Variants in SPECC1 observed in about 807,000 individuals in gnomAD.
SPECC1 encodes cytospin-B.
Under a neutral mutation model 104.1 loss-of-function variants are expected in SPECC1, and 62 were observed. The observed-to-expected ratio is 0.60, with a 90% CI of 0.49 to 0.74. SPECC1 has a LOEUF of 0.74. Ranked by LOEUF, SPECC1 falls within the 30% of genes least tolerant of loss-of-function variation. SPECC1 has a pLI of 0.00. For missense variants in SPECC1, 1,306 were observed against 1,310.5 expected, an observed-to-expected ratio of 1.00 and a Z score of 0.05; for synonymous variants, 513 against 501.6, an observed-to-expected ratio of 1.02 and a Z score of -0.30.
intron 1 of SPECC1, among the ~76,000 whole-genome samples, chr17:20,050,330 C>T (rs1437139769): frequency 1.3e-5 from 2 of 152,068 alleles, no homozygotes; most frequent in African/African-American, 4.8e-5. Flanking sequence ...GTCTGAACAC[C>T]ATTTGTTGGT....
At position 20,205,204 on chromosome 17, in the gene SPECC1, T is replaced by G. The variant is rs1386278904; in HGVS notation, c.1155T>G (p.His385Gln). ...EKIQKMEENH[H>Q]STAEELQATL... ...TACAAAAGATGGAAGAAAACCACCA[T>G]AGCACTGCAGAAGAACTACAGGCTA... The change falls in exon 4 of 15, where the codon CAT becomes CAG. Residue 385 changes from histidine (H) to glutamine (Q), a missense_variant. His to Gln is a conservative substitution (Grantham distance 24). Coordinates refer to ENST00000395527, the MANE Select transcript of SPECC1 (RefSeq NM_001243439.2). 1 of 1,614,056 alleles carries G rather than the reference T, an allele frequency of 6.2e-7. No individual in the cohort carries two copies. Among genetic ancestry groups the G allele is most frequent in the Admixed American group, 1.7e-5 (1 of 60,022 alleles).
chr17:20,205,396 G>C lies in SPECC1; in HGVS notation c.1347G>C (p.Glu449Asp). The change falls in exon 4 of 15, where the codon GAG becomes GAC. Residue 449 changes from glutamate to aspartate, a missense_variant. Coordinates refer to ENST00000395527, the MANE Select transcript of SPECC1 (RefSeq NM_001243439.2). The part of the protein sequence containing the change: ...ENEKLMNLLQ[E>D]RVKNEEPTTQ... ...AGAAGCTGATGAATCTTTTACAAGAGCGAGTAAAGAATGAAGAGCCCACCA... is the reference window on the plus strand; with the variant it reads ...AGAAGCTGATGAATCTTTTACAAGACCGAGTAAAGAATGAAGAGCCCACCA... The C allele has an allele frequency of 1.2e-6, 2 of 1,613,866 alleles. No homozygotes were observed. Among genetic ancestry groups the C allele is most frequent in the Non-Finnish European group, 8.5e-7 (1 of 1,179,980 alleles).
At chr17:20,112,551 GT>G in intron 3 of SPECC1, 1 of 787,984 alleles carries the variant, frequency 1.3e-6, no homozygotes, top group Non-Finnish European at 2.3e-6. Context: ...AAAATGGCCA[GT>G]TTAAGCCGCT....
chr17:20,277,249 C>T (rs1321232588), intron 12 of SPECC1, among the ~76,000 whole-genome samples: 2 of 152,112 alleles, frequency 1.3e-5, no homozygotes, highest in African/African-American at 2.4e-5. Flanking sequence ...TAGCAGGGTG[C>T]CCCTGGACAG....
At chr17:20,310,198 A>G (rs1464231162) in intron 14 of SPECC1, among the ~76,000 whole-genome samples, 1 of 152,200 alleles carries the variant, frequency 6.6e-6, no homozygotes, top group African/African-American at 2.4e-5. Flanking sequence ...TGTGATGAAC[A>G]TAAGTGTGCA....
intron 9 of SPECC1, among the ~76,000 whole-genome samples, chr17:20,248,401 T>A (rs1328329346): frequency 1.3e-5 from 2 of 152,172 alleles, no homozygotes; most frequent in Non-Finnish European, 2.9e-5. Flanking sequence ...GAGCCCGTCT[T>A]GAGATCTTCT....
chr17:20,111,854 A>G (rs929193040), intron 3 of SPECC1: 7 of 835,562 alleles, frequency 8.4e-6, no homozygotes, highest in Non-Finnish European at 1.5e-5. Flanking sequence ...CCTGAACGGC[A>G]GCCCCAAGAA....
intron 1 of SPECC1, among the ~76,000 whole-genome samples, chr17:20,018,323 A>C (rs2044230279): frequency 6.6e-6 from 1 of 152,140 alleles, no homozygotes; most frequent in Non-Finnish European, 1.5e-5. Flanking sequence ...GTTTCTTTTG[A>C]TTTAGTGTTT....
chr17:20,207,057 G>T (rs1447026508), intron 4 of SPECC1, among the ~76,000 whole-genome samples: 4 of 152,178 alleles, frequency 2.6e-5, no homozygotes, highest in Non-Finnish European at 5.9e-5. Flanking sequence ...CTGGAGAGGT[G>T]CAGAGAGATG....
rs2038604912 is a variant in SPECC1, at chr17:20,231,898, C to T, written c.2145+67C>T. On this transcript the variant is annotated intron_variant, in intron 6 of 14. Coordinates refer to ENST00000395527, the MANE Select transcript of SPECC1 (RefSeq NM_001243439.2). ...ATTACCCGCTCCGAGGTGTGGATCA[C>T]TCTCTCTATCCTGCTTTCTCTTGGA... 4 of 1,485,680 alleles carry T rather than the reference C, an allele frequency of 2.7e-6. No homozygotes were observed. In the Admixed American group the frequency reaches 5.0e-5, roughly 19 times the overall value. 92.0% of individuals were successfully genotyped at this position (1,485,680 alleles called of 1,614,324 possible). A position where few individuals can be genotyped will look rare whatever the true frequency, so the allele number is the denominator to read the frequency against.
intron 4 of SPECC1, among the ~76,000 whole-genome samples, 187 bp from the exon 5 acceptor site, chr17:20,227,226 T>G (rs1314372155): frequency 6.6e-6 from 1 of 152,202 alleles, no homozygotes; most frequent in East Asian, 1.9e-4. Flanking sequence ...TTTGCTACTA[T>G]GTCCGTGAGC....
chr17:20,264,441 C>T (rs1292450298), intron 12 of SPECC1, among the ~76,000 whole-genome samples: 6 of 123,918 alleles, frequency 4.8e-5, no homozygotes, highest in Non-Finnish European at 7.0e-5. Flanking sequence ...ATCCATGTGG[C>T]TTTTTTTGGA....
At chr17:20,076,268 C>G (rs899157052) in intron 1 of SPECC1, among the ~76,000 whole-genome samples, 7 of 152,228 alleles carry the variant, frequency 4.6e-5, no homozygotes, top group Non-Finnish European at 1.0e-4. Flanking sequence ...AGCGTGATCT[C>G]AGCTCACTGT....
At chr17:20,182,227 C>G (rs1385308640) in intron 3 of SPECC1, among the ~76,000 whole-genome samples, 1 of 149,970 alleles carries the variant, frequency 6.7e-6, no homozygotes, top group Admixed American at 6.7e-5. Context: ...GATTCTCTCA[C>G]CTCAGCCTCC....
intron 4 of SPECC1, among the ~76,000 whole-genome samples, chr17:20,221,163 G>A (rs1187042057): frequency 6.6e-6 from 1 of 151,926 alleles, no homozygotes; most frequent in Non-Finnish European, 1.5e-5. Flanking sequence ...TTTGTTATCA[G>A]GATAATACTG....
chr17:20,260,344 C>G, intron 12 of SPECC1, 50 bp downstream of exon 12: 1 of 1,519,644 alleles, frequency 6.6e-7, no homozygotes, highest in Non-Finnish European at 9.1e-7. Context: ...CAGTAGTAGT[C>G]CTGTGCCAAT....
intron 7 of SPECC1, chr17:20,239,212 G>T: frequency 9.8e-7 from 1 of 1,017,728 alleles, no homozygotes; most frequent in Non-Finnish European, 1.2e-6. Flanking sequence ...ATAGATTGAT[G>T]ATTTAATGTA....
chr17:20,207,871 C>T (rs1319073098), intron 4 of SPECC1, among the ~76,000 whole-genome samples: 1 of 152,144 alleles, frequency 6.6e-6, no homozygotes, highest in Admixed American at 6.5e-5. Flanking sequence ...TTATCTATTC[C>T]ACTATTAATC....
At chr17:20,119,395 G>T (rs1010669990) in intron 3 of SPECC1, among the ~76,000 whole-genome samples, 1 of 152,234 alleles carries the variant, frequency 6.6e-6, no homozygotes, top group African/African-American at 2.4e-5. Flanking sequence ...ACCACGCCCA[G>T]CTAATGTTGT....
Sources: allele counts gnomAD v4.1 joint callset (sites outside exome capture counted in the v4.1 genomes callset), GRCh38; gene constraint gnomAD v4.1.1; transcripts MANE v1.5; gene names NCBI Gene and HGNC (gene_info 2026-07-23, HGNC 2026-07-21).